PPARG: variants seen among roughly 807,000 people sequenced by gnomAD.
PPARG encodes the protein peroxisome proliferator-activated receptor gamma.
A neutral mutation model predicts 39.2 loss-of-function variants in PPARG; 17 were observed. The observed-to-expected ratio is 0.43, with a 90% CI of 0.30 to 0.65. The LOEUF (loss-of-function observed/expected upper bound fraction) is 0.65. Ranked by LOEUF, PPARG falls within the 30% of genes least tolerant of loss-of-function variation. The pLI is 0.13. For missense variants in PPARG, 406 were observed against 585.9 expected (o/e 0.69, Z 3.17); for synonymous variants, 223 against 215.7 (o/e 1.03, Z -0.30).
intron 2 of PPARG, among the ~76,000 whole-genome samples, chr3:12,374,075 A>G (rs903506549): frequency 2.0e-5 from 3 of 152,162 alleles, no homozygotes; most frequent in African/African-American, 7.2e-5. Flanking sequence ...ATAAGACTGA[A>G]AAAGTAAGTT....
intron 2 of PPARG, among the ~76,000 whole-genome samples, chr3:12,343,181 C>G (rs962357736): frequency 6.6e-6 from 1 of 152,182 alleles, no homozygotes; most frequent in African/African-American, 2.4e-5. Context: ...TATCCCAAAA[C>G]GTCCCACAGG....
chr3:12,387,857 C>A (rs977608652), intron 4 of PPARG, among the ~76,000 whole-genome samples: 4 of 141,020 alleles, frequency 2.8e-5, no homozygotes, highest in African/African-American at 1.1e-4. Flanking sequence ...TTAGGTCTTA[C>A]ATTTAAGTCT....
chr3:12,297,573 T>C (rs1264378779), intron 1 of PPARG, among the ~76,000 whole-genome samples: 4 of 152,174 alleles, frequency 2.6e-5, no homozygotes, highest in Non-Finnish European at 5.9e-5. Flanking sequence ...TTATACTAAA[T>C]TTTATTTCAC....
At chr3:12,354,562 G>A (rs575803177) in intron 2 of PPARG, among the ~76,000 whole-genome samples, 1 of 152,078 alleles carries the variant, frequency 6.6e-6, no homozygotes, top group East Asian at 1.9e-4. Flanking sequence ...GACCATCCTG[G>A]CTAACACGAT....
chr3:12,350,127 G>A (rs928395871), intron 2 of PPARG, among the ~76,000 whole-genome samples: 4 of 152,152 alleles, frequency 2.6e-5, no homozygotes, highest in African/African-American at 7.2e-5. Flanking sequence ...CCAAGCATGG[G>A]GAGGAAAGGA....
rs73138704 is a variant in PPARG at position 12,433,675 on chromosome 3, G to T, written c.1181-223G>T. Among the ~76,000 whole-genome samples the T allele has an allele frequency of 4.7e-3, 721 of 152,270 alleles. 1 individual carries two copies. The highest frequency in any genetic ancestry group is 6.8e-3 in the Middle Eastern group (2 of 294). The stretch of plus-strand genomic sequence containing the variant: ...GACCACACAGATTACATCCTGGCCA[G>T]AAAAAGGCCCTGCAAAGAGCTCTGA... On this transcript the variant is annotated intron_variant, in intron 7 of 7. Transcript: ENST00000651735.
intron 1 of PPARG, among the ~76,000 whole-genome samples, chr3:12,305,190 T>C (rs2047028520): frequency 6.6e-6 from 1 of 152,180 alleles, no homozygotes; most frequent in Non-Finnish European, 1.5e-5. Context: ...TCCTTTCCTC[T>C]CTTTCCCAAT....
At chr3:12,422,281 T>C (rs2051289378) in intron 7 of PPARG, among the ~76,000 whole-genome samples, 1 of 152,216 alleles carries the variant, frequency 6.6e-6, no homozygotes, top group African/African-American at 2.4e-5. Flanking sequence ...ATAATCTGTT[T>C]GGATTTCTTG....
intron 2 of PPARG, among the ~76,000 whole-genome samples, chr3:12,313,359 C>T (rs1413416868): frequency 6.6e-6 from 1 of 152,092 alleles, no homozygotes; most frequent in South Asian, 2.1e-4. Context: ...CAAACTAGAT[C>T]GTGGTTTCCA....
intron 5 of PPARG, among the ~76,000 whole-genome samples, chr3:12,399,670 A>G (rs112008816): frequency 0.016 from 4 of 252 alleles, no homozygotes; most frequent in South Asian, 0.33. Flanking sequence ...GGAGGGAGGG[A>G]AAAAAGGAAA....
intron 2 of PPARG, among the ~76,000 whole-genome samples, chr3:12,361,534 A>G (rs1436149280): frequency 3.3e-5 from 5 of 152,184 alleles, no homozygotes; most frequent in African/African-American, 1.2e-4. Flanking sequence ...TGTATGTTGT[A>G]AGGCAAGGGT....
intron 2 of PPARG, among the ~76,000 whole-genome samples, chr3:12,364,881 G>T (rs901809584): frequency 1.3e-5 from 2 of 152,088 alleles, no homozygotes; most frequent in African/African-American, 4.8e-5. Context: ...TTTAAAACAG[G>T]GTTATTCACT....
rs4135251 is a variant in PPARG at position 12,359,915 on chromosome 3, C to T, written c.-8-19789C>T. 1.9e-3 allele frequency among the ~76,000 whole-genome samples: 283 copies of T among 152,112 alleles called. 1 individual carries two copies. Among genetic ancestry groups the T allele is most frequent in the South Asian group, 0.012 (58 of 4,814 alleles). On this transcript the variant is annotated intron_variant, in intron 2 of 7. Transcript: ENST00000651735. ...CTCAAACTCCTGATCTCAAGTGATC[C>T]GACTGCCTGCACTTTTCAAAGTGCT...
chr3:12,412,095 C>T (rs2050898280), intron 6 of PPARG, among the ~76,000 whole-genome samples: 1 of 152,150 alleles, frequency 6.6e-6, no homozygotes, highest in African/African-American at 2.4e-5. Context: ...AGAAAAGTCA[C>T]CCAGAATACC....
intron 2 of PPARG, among the ~76,000 whole-genome samples, chr3:12,368,478 A>T (rs1272065717): frequency 6.6e-6 from 1 of 152,096 alleles, no homozygotes; most frequent in African/African-American, 2.4e-5. Flanking sequence ...CACCACGCCC[A>T]GCCTCTAATC....
At chr3:12,312,527 T>G (rs1379284502) in intron 2 of PPARG, 74 bp downstream of exon 2, 1 of 152,246 alleles carries the variant, frequency 6.6e-6, no homozygotes, top group Non-Finnish European at 1.5e-5. Flanking sequence ...AATTATACAT[T>G]GTATTTTATT....
intron 4 of PPARG, among the ~76,000 whole-genome samples, chr3:12,391,944 T>C (rs918013966): frequency 6.6e-6 from 1 of 152,148 alleles, no homozygotes; most frequent in African/African-American, 2.4e-5. Flanking sequence ...TAGCAGAATA[T>C]TCAGTTGGCC....
At chr3:12,311,816 A>G (rs1217180295) in intron 1 of PPARG, among the ~76,000 whole-genome samples, 1 of 152,172 alleles carries the variant, frequency 6.6e-6, no homozygotes, top group African/African-American at 2.4e-5. Flanking sequence ...TCCTCTGAAA[A>G]GTCTGCTTCG....
chr3:12,332,215 G>C (rs377498112), intron 2 of PPARG, among the ~76,000 whole-genome samples: 2 of 152,114 alleles, frequency 1.3e-5, no homozygotes, highest in East Asian at 3.8e-4. Context: ...ATTTCTGCCT[G>C]TGTAAAATCT....
Sources: gnomAD v4.1 joint callset for allele counts (sites outside exome capture counted in the v4.1 genomes callset) on GRCh38, gnomAD v4.1.1 for gene constraint, MANE v1.5 for transcripts, NCBI Gene and HGNC (gene_info 2026-07-23, HGNC 2026-07-21) for gene names.